The following ASZ1 variants were observed in gnomAD, a reference collection of about 807,000 sequenced individuals.
The protein encoded by ASZ1 is ankyrin repeat, SAM and basic leucine zipper domain-containing protein 1.
A neutral mutation model predicts 61.8 loss-of-function variants in ASZ1; 67 were observed. That is an observed-to-expected ratio of 1.08 (90% CI 0.89 to 1.33). The LOEUF (loss-of-function observed/expected upper bound fraction) is 1.33, where lower values mean the gene tolerates loss of function less well. Among genes scored for constraint, ASZ1 ranks in the 40% most tolerant of loss-of-function variants. The pLI, the probability that ASZ1 is intolerant of heterozygous loss-of-function variation, is 0.00. For missense variants in ASZ1, 577 were observed against 554.5 expected, an observed-to-expected ratio of 1.04 and a Z score of -0.41; for synonymous variants, 193 against 192.7, an observed-to-expected ratio of 1.00 and a Z score of -0.01.
chr7:117,365,271 C>A (rs76179760), intron 12 of ASZ1, among the ~76,000 whole-genome samples: 3,487 of 152,102 alleles, frequency 0.023, 132 homozygotes, highest in African/African-American at 0.08. Flanking sequence ...TATAGAAATG[C>A]ATAAATTCTA....
intron 4 of ASZ1, among the ~76,000 whole-genome samples, chr7:117,391,177 G>T (rs1310603401): frequency 6.6e-6 from 1 of 151,668 alleles, no homozygotes; most frequent in Non-Finnish European, 1.5e-5. Flanking sequence ...TTTTAATGAG[G>T]TTATTTTTCT....
At position 117,403,605 on chromosome 7, in the gene ASZ1, C is replaced by T. The variant is rs190352612; in HGVS notation, c.440+16558G>A. Reference sequence around the variant, plus strand: ...AGCTATATATACTAAATAGGGTCTTCGTGACAGTCTCCCAACTTGTAATAC... The same window carrying T: ...AGCTATATATACTAAATAGGGTCTTTGTGACAGTCTCCCAACTTGTAATAC... On this transcript the variant is annotated intron_variant, in intron 4 of 12. Transcript: ENST00000284629. Among the ~76,000 whole-genome samples the T allele has an allele frequency of 5.9e-5, 9 of 152,258 alleles. No homozygotes were observed. In the East Asian group the frequency reaches 7.7e-4, roughly 13 times the overall value.
At chr7:117,425,468 C>G (rs1447360378) in intron 2 of ASZ1, among the ~76,000 whole-genome samples, 4 of 151,692 alleles carry the variant, frequency 2.6e-5, no homozygotes, top group African/African-American at 9.7e-5. Flanking sequence ...CGGGGTTTCA[C>G]TGTGTTAGCC....
chr7:117,405,167 GGTCCCAGGACTTAGT>G (rs1796758270), intron 4 of ASZ1, among the ~76,000 whole-genome samples: 1 of 152,020 alleles, frequency 6.6e-6, no homozygotes, highest in African/African-American at 2.4e-5. Context: ...CTCTCCATGG[GGTCCCAGGACTTAGT>G]GTCCCAGGAT....
At position 117,368,633 on chromosome 7, in the gene ASZ1, C is replaced by G; in HGVS notation, c.1140G>C (p.Glu380Asp). ...LITAVQNVIT[E>D]LPVNSQKITL... ...ATACCTTTTGAGAATTTACAGGTAA[C>G]TCAGTAATAACATTCTGTACAGCTG... Residue 380 changes from glutamate to aspartate, a missense_variant, in exon 11 of 13, where the codon GAG becomes GAC. By Grantham distance (45) the Glu-to-Asp change is conservative. Coordinates refer to ENST00000284629, the MANE Select transcript of ASZ1 (RefSeq NM_130768.3). 6.2e-7 allele frequency: 1 copy of G among 1,611,594 alleles called. No individual in the cohort carries two copies. The highest frequency in any genetic ancestry group is 1.1e-5 in the South Asian group (1 of 90,434).
intron 4 of ASZ1, among the ~76,000 whole-genome samples, chr7:117,410,654 A>C (rs1796872515): frequency 6.6e-6 from 1 of 151,544 alleles, no homozygotes; most frequent in Non-Finnish European, 1.5e-5. Context: ...ATAAACAATA[A>C]ATTATAAACT....
intron 10 of ASZ1, among the ~76,000 whole-genome samples, chr7:117,370,792 G>A (rs532357536): frequency 1.1e-4 from 16 of 147,154 alleles, no homozygotes; most frequent in African/African-American, 4.1e-4. Context: ...ACTATTATTG[G>A]ACCAAAGGTA....
chr7:117,423,371 A>C (rs542932378), intron 2 of ASZ1, among the ~76,000 whole-genome samples: 1 of 152,128 alleles, frequency 6.6e-6, no homozygotes, highest in African/African-American at 2.4e-5. Flanking sequence ...AAAACATTAA[A>C]CCATCTTAGT....
chr7:117,393,420 G>A (rs1796511574), intron 4 of ASZ1, among the ~76,000 whole-genome samples: 1 of 151,778 alleles, frequency 6.6e-6, no homozygotes, highest in African/African-American at 2.4e-5. Context: ...TAAAAGCCAT[G>A]TATATTAAAA....
chr7:117,404,722 T>A (rs1471085756), intron 4 of ASZ1, among the ~76,000 whole-genome samples: 1 of 152,124 alleles, frequency 6.6e-6, no homozygotes, highest in Non-Finnish European at 1.5e-5. Context: ...AGTCTGCCAT[T>A]GCAAAGGAGA....
Position 117,426,929 on chromosome 7 carries a change from T to G in ASZ1, c.112A>C (p.Lys38Gln). 1.9e-6 allele frequency: 3 copies of G among 1,591,554 alleles called. No homozygotes were observed. The highest frequency in any genetic ancestry group is 2.6e-6 in the Non-Finnish European group (3 of 1,173,954). The change falls in exon 2 of 13, where the codon AAA becomes CAA. Residue 38 changes from lysine (K) to glutamine (Q), a missense_variant. By Grantham distance (53) the Lys-to-Gln change is moderately conservative. Coordinates refer to ENST00000284629, the MANE Select transcript of ASZ1 (RefSeq NM_130768.3). ...TTTTCTTCAATGGGTAATAGCCTTT[T>G]CAATTTCTAGAAAAGTAAACATTTT... ...GYLDRTSQKL[K>Q]RLLPIEEKKE... is the part of the protein sequence containing the mutation.
At chr7:117,365,297 C>T (rs1234206769) in intron 12 of ASZ1, among the ~76,000 whole-genome samples, 1 of 151,978 alleles carries the variant, frequency 6.6e-6, no homozygotes, top group Non-Finnish European at 1.5e-5. Flanking sequence ...AGAAGGGTCA[C>T]GGGAAAAAGG....
intron 4 of ASZ1, among the ~76,000 whole-genome samples, chr7:117,410,946 T>C (rs192132783): frequency 9.9e-5 from 15 of 151,872 alleles, no homozygotes; most frequent in African/African-American, 3.6e-4. Flanking sequence ...GTTAACATTA[T>C]TATAATCAAT....
chr7:117,364,562 A>G (rs1795898570), intron 12 of ASZ1, among the ~76,000 whole-genome samples: 1 of 152,110 alleles, frequency 6.6e-6, no homozygotes, highest in African/African-American at 2.4e-5. Flanking sequence ...TTGAAAGATA[A>G]AAAGAATCAG....
At chr7:117,393,185 T>C (rs1796506205) in intron 4 of ASZ1, among the ~76,000 whole-genome samples, 1 of 152,158 alleles carries the variant, frequency 6.6e-6, no homozygotes, top group South Asian at 2.1e-4. Flanking sequence ...AAGACTTTCT[T>C]TGTGGTCTAC....
At chr7:117,381,091 A>G (rs2116466715) in intron 8 of ASZ1, 24 bp from the exon 9 acceptor site, 2 of 1,516,946 alleles carry the variant, frequency 1.3e-6, no homozygotes, top group Non-Finnish European at 1.8e-6. Flanking sequence ...AAAAAAGGCC[A>G]CCTTTCCATA....
chr7:117,380,575 T>C (rs1796230812), intron 9 of ASZ1, among the ~76,000 whole-genome samples: 1 of 151,676 alleles, frequency 6.6e-6, no homozygotes. Context: ...TCAAAGTGTC[T>C]CTAATACATC....
chr7:117,381,934 G>C (rs1047900467), intron 8 of ASZ1, 135 bp downstream of exon 8: 39 of 606,668 alleles, frequency 6.4e-5, no homozygotes, highest in Middle Eastern at 4.1e-4. Context: ...TTTAAAATTG[G>C]GATGTACTAC....
chr7:117,397,771 G>A (rs190203277), intron 4 of ASZ1, among the ~76,000 whole-genome samples: 31 of 152,362 alleles, frequency 2.0e-4, no homozygotes, highest in Non-Finnish European at 2.9e-4. Context: ...AAGGATCAGA[G>A]GCTACTCCCC....
Sources: allele counts gnomAD v4.1 joint callset (sites outside exome capture counted in the v4.1 genomes callset), GRCh38; gene constraint gnomAD v4.1.1; transcripts MANE v1.5; gene names NCBI Gene and HGNC (gene_info 2026-07-23, HGNC 2026-07-21).